PALM2AKAP2: variants seen among roughly 807,000 people sequenced by gnomAD.
PALM2AKAP2 encodes PALM2 and AKAP2 fusion.
A neutral mutation model predicts 71.5 loss-of-function variants in PALM2AKAP2; 37 were observed. That is an observed-to-expected ratio of 0.52 (90% CI 0.40 to 0.68). The LOEUF (loss-of-function observed/expected upper bound fraction) is 0.68. Ranked by LOEUF, PALM2AKAP2 falls within the 30% of genes least tolerant of loss-of-function variation. The probability of loss-of-function intolerance (pLI) is 0.00; values close to 1 mark genes in which losing one functional copy is unlikely to be tolerated. For missense variants in PALM2AKAP2, 1,224 were observed against 1,191.8 expected (o/e 1.03, Z -0.40); for synonymous variants, 468 against 478.8 (o/e 0.98, Z 0.29).
chr9:109,882,346 G>C (rs1197346213), intron 3 of PALM2AKAP2, among the ~76,000 whole-genome samples: 1 of 152,146 alleles, frequency 6.6e-6, no homozygotes, highest in Admixed American at 6.5e-5. Flanking sequence ...CTTTGCTTAG[G>C]TCCTCACATG....
intron 1 of PALM2AKAP2, among the ~76,000 whole-genome samples, chr9:109,665,896 G>T (rs1268358124): frequency 6.6e-6 from 1 of 152,242 alleles, no homozygotes; most frequent in African/African-American, 2.4e-5. Context: ...CCTCAGCAAT[G>T]GCGGATGCCC....
upstream of PALM2AKAP2, among the ~76,000 whole-genome samples, chr9:110,044,985 C>T (rs1833573271): frequency 1.3e-5 from 2 of 152,144 alleles, no homozygotes; most frequent in Non-Finnish European, 2.9e-5. Flanking sequence ...CTTCTCTCAA[C>T]CTGTATCTAG....
intron 1 of PALM2AKAP2, among the ~76,000 whole-genome samples, chr9:110,117,758 G>T (rs561465933): frequency 6.6e-6 from 1 of 151,796 alleles, no homozygotes; most frequent in Non-Finnish European, 1.5e-5. Flanking sequence ...TGACCTTATC[G>T]CCTCTTCAAG....
intron 1 of PALM2AKAP2, among the ~76,000 whole-genome samples, chr9:110,112,299 G>A (rs1362030634): frequency 1.3e-5 from 2 of 152,056 alleles, no homozygotes; most frequent in Admixed American, 1.3e-4. Flanking sequence ...TCTTTATAGT[G>A]GGCTTTGGAG....
At chr9:110,099,091 A>G (rs1834929810) in intron 1 of PALM2AKAP2, among the ~76,000 whole-genome samples, 1 of 152,244 alleles carries the variant, frequency 6.6e-6, no homozygotes, top group Non-Finnish European at 1.5e-5. Context: ...CCACTACCAA[A>G]AACTAATAAC....
chr9:109,785,465 A>C (rs1158414677), intron 1 of PALM2AKAP2, among the ~76,000 whole-genome samples: 3 of 152,236 alleles, frequency 2.0e-5, no homozygotes, highest in Non-Finnish European at 2.9e-5. Flanking sequence ...TTCTTGTATT[A>C]GTCCGTTTTC....
At chr9:109,918,976 A>G (rs554934637) in intron 3 of PALM2AKAP2, among the ~76,000 whole-genome samples, 41 of 152,266 alleles carry the variant, frequency 2.7e-4, no homozygotes, top group African/African-American at 9.9e-4. Flanking sequence ...TATAGCGCAG[A>G]GCCTTGAAAC....
In PALM2AKAP2 at chr9:109,851,178, AC is replaced by A. The variant is rs1237658536; in HGVS notation, c.46-16312del. ...GGCAACAGAGGGAGACTCCGTCTCA[AC>A]AACAACAACAACAACAACAACAACA... On this transcript the variant is annotated intron_variant, in intron 1 of 9. Coordinates refer to the PALM2AKAP2 transcript ENST00000302798. 8.4e-4 allele frequency among the ~76,000 whole-genome samples: 41 copies of A among 49,054 alleles called. 3 individuals are homozygous for A. The highest frequency in any genetic ancestry group is 1.1e-3 in the East Asian group (1 of 888). 32.2% of individuals were successfully genotyped at this position (49,054 alleles called of 152,430 possible).
intron 6 of PALM2AKAP2, among the ~76,000 whole-genome samples, chr9:110,003,839 C>G (rs942772161): frequency 1.3e-5 from 2 of 152,136 alleles, no homozygotes; most frequent in Non-Finnish European, 2.9e-5. Flanking sequence ...TTATCAGAGA[C>G]TAGGATTGCA....
intron 6 of PALM2AKAP2, among the ~76,000 whole-genome samples, chr9:109,983,137 TG>T (rs1832306955): frequency 6.6e-6 from 1 of 152,120 alleles, no homozygotes; most frequent in Admixed American, 6.6e-5. Flanking sequence ...TCTATGAGAG[TG>T]GGGATTCCTC....
Position 109,923,976 on chromosome 9 carries a change from T to C in PALM2AKAP2, c.372+127T>C, listed in dbSNP as rs914969426. On this transcript the variant is annotated intron_variant, in intron 4 of 9. Transcript: ENST00000302798. ...AATCTGAGCCACGAACTCTATGAAA[T>C]GAGGGGCAGATGTGTGAGGACCAGG... The C allele has an allele frequency of 4.0e-6, 4 of 996,172 alleles. No individual in the cohort carries two copies. The African/African-American group carries it at 6.6e-5, about 16-fold the overall frequency. 61.7% of individuals were successfully genotyped at this position (996,172 alleles called of 1,614,324 possible).
At chr9:109,690,928 C>T (rs1330193616) in intron 1 of PALM2AKAP2, among the ~76,000 whole-genome samples, 3 of 151,986 alleles carry the variant, frequency 2.0e-5, no homozygotes, top group African/African-American at 7.3e-5. Flanking sequence ...CACTTCTCAG[C>T]ATGAGGAATG....
intron 1 of PALM2AKAP2, among the ~76,000 whole-genome samples, chr9:109,861,117 G>A (rs922235781): frequency 3.9e-5 from 6 of 152,190 alleles, no homozygotes; most frequent in African/African-American, 7.2e-5. Flanking sequence ...GCTAGAATGG[G>A]GGTTCAGTGG....
At chr9:109,842,645 T>C (rs576501940) in intron 1 of PALM2AKAP2, among the ~76,000 whole-genome samples, 11 of 151,074 alleles carry the variant, frequency 7.3e-5, no homozygotes, top group African/African-American at 2.7e-4. Flanking sequence ...TTGTCGTCGT[T>C]GTTGAATCAG....
intron 3 of PALM2AKAP2, 90 bp from the exon 10 acceptor site, chr9:110,162,004 C>G (rs1836612285): frequency 6.5e-7 from 1 of 1,532,032 alleles, no homozygotes; most frequent in Admixed American, 1.7e-5. Flanking sequence ...CTCCCATCCT[C>G]TTCTGGTGTG....
chr9:109,845,960 A>AT (rs1828841571), intron 1 of PALM2AKAP2, among the ~76,000 whole-genome samples: 1 of 152,244 alleles, frequency 6.6e-6, no homozygotes, highest in Non-Finnish European at 1.5e-5. Context: ...GAGGAGATGG[A>AT]TAAAAACCAG....
intron 1 of PALM2AKAP2, among the ~76,000 whole-genome samples, chr9:110,086,003 A>G (rs7046762): frequency 0.11 from 16,082 of 150,766 alleles, 1,094 homozygotes; most frequent in African/African-American, 0.19. Context: ...GCTACTCGGG[A>G]GGTTGAGGCA....
chr9:109,952,056 G>A (rs193204804), intron 6 of PALM2AKAP2, among the ~76,000 whole-genome samples: 1 of 152,280 alleles, frequency 6.6e-6, no homozygotes, highest in Admixed American at 6.5e-5. Flanking sequence ...CCTGGAACAG[G>A]GTCAGCATAG....
chr9:109,990,651 A>G (rs965333974), intron 6 of PALM2AKAP2, among the ~76,000 whole-genome samples: 3 of 152,228 alleles, frequency 2.0e-5, no homozygotes, highest in African/African-American at 7.2e-5. Context: ...GTAAAAGTGA[A>G]GCCATCTGGC....
Sources: allele counts gnomAD v4.1 joint callset (sites outside exome capture counted in the v4.1 genomes callset), GRCh38; gene constraint gnomAD v4.1.1; transcripts MANE v1.5; gene names NCBI Gene and HGNC (gene_info 2026-07-23, HGNC 2026-07-21).